Variants in INPP5D observed in about 807,000 individuals in gnomAD.
The protein encoded by INPP5D is phosphatidylinositol 3,4,5-trisphosphate 5-phosphatase 1.
A neutral mutation model predicts 122.9 loss-of-function variants in INPP5D; 33 were observed. That is an observed-to-expected ratio of 0.27 (90% CI 0.20 to 0.36). INPP5D has a LOEUF of 0.36. Ranked by LOEUF, INPP5D falls within the 10% of genes least tolerant of loss-of-function variation. The probability of loss-of-function intolerance (pLI) is 1.00; values close to 1 mark genes in which losing one functional copy is unlikely to be tolerated. For missense variants in INPP5D, 1,053 were observed against 1,412.7 expected, an observed-to-expected ratio of 0.75 and a Z score of 4.08; for synonymous variants, 584 against 576.2, an observed-to-expected ratio of 1.01 and a Z score of -0.19.
At chr2:233,086,122 T>TTTCTTTCC (rs1178383842) in intron 2 of INPP5D, among the ~76,000 whole-genome samples, 7 of 69,016 alleles carry the variant, frequency 1.0e-4, no homozygotes, top group African/African-American at 4.4e-4. Flanking sequence ...AGATAGCCTC[T>TTTCTTTCC]TTCTTTCTTT....
chr2:233,130,061 C>T (rs1693276192), intron 4 of INPP5D, among the ~76,000 whole-genome samples: 1 of 152,130 alleles, frequency 6.6e-6, no homozygotes, highest in African/African-American at 2.4e-5. Flanking sequence ...ACCACCACAC[C>T]CGGCTAATTT....
intron 17 of INPP5D, among the ~76,000 whole-genome samples, chr2:233,175,217 CAAA>C (rs1220185296): frequency 4.4e-5 from 3 of 68,616 alleles, no homozygotes; most frequent in African/African-American, 1.9e-4. Context: ...GACTCCATCT[CAAA>C]AAAAAAAAAA....
chr2:233,140,935 TAG>T (rs1693619836), intron 6 of INPP5D: 1 of 152,238 alleles, frequency 6.6e-6, no homozygotes, highest in Non-Finnish European at 1.5e-5. Flanking sequence ...GGACAGGGAA[TAG>T]CCAGTATAGA....
intron 9 of INPP5D, among the ~76,000 whole-genome samples, chr2:233,154,870 C>T (rs1043496043): frequency 6.6e-6 from 1 of 152,186 alleles, no homozygotes. Context: ...TTCTGATGGG[C>T]TTTTGTTACA....
chr2:233,085,039 G>A (rs1412435469), intron 2 of INPP5D, among the ~76,000 whole-genome samples: 1 of 152,094 alleles, frequency 6.6e-6, no homozygotes, highest in Non-Finnish European at 1.5e-5. Context: ...AAAATTCTTG[G>A]AACCAACTGT....
rs1325060038 is a variant in INPP5D at position 233,146,010 on chromosome 2, G to A, written c.754-152G>A. The A allele has an allele frequency of 4.3e-6, 3 of 702,218 alleles. No homozygotes were observed. In the Admixed American group the frequency reaches 6.0e-5, roughly 14 times the overall value. 43.5% of individuals were successfully genotyped at this position (702,218 alleles called of 1,614,324 possible). On this transcript the variant is annotated intron_variant, in intron 6 of 26. Transcript: ENST00000445964. Reference sequence around the variant, plus strand: ...TTCTGAGAAGATTGTAGAGATCCCTGTGTCCTCATCTGCCAGAAGGGGATA... The same window carrying A: ...TTCTGAGAAGATTGTAGAGATCCCTATGTCCTCATCTGCCAGAAGGGGATA...
In INPP5D at chr2:233,060,516, C is replaced by A. The variant is rs1691040589; in HGVS notation, c.38C>A (p.Ser13Tyr). Reference protein sequence around the residue: ...PCWNHGNITRSKAEELLSRTG... With the variant: ...PCWNHGNITRYKAEELLSRTG... Reference sequence around the variant, plus strand: ...TGGAACCATGGCAACATCACCCGCTCCAAGGCGGAGGAGCTGCTTTCCAGG... The same window carrying A: ...TGGAACCATGGCAACATCACCCGCTACAAGGCGGAGGAGCTGCTTTCCAGG... The change falls in exon 1 of 27, where the codon TCC (serine) becomes TAC (tyrosine). Residue 13 changes from serine (S) to tyrosine (Y), a missense_variant. Ser to Tyr is a moderately radical substitution (Grantham distance 144). Around this residue, in one of 6 missense-constraint regions of INPP5D, gnomAD observed 74 missense variants for 146.6 expected, o/e 0.50. Transcript: ENST00000445964. 2 of 1,613,408 alleles carry A rather than the reference C, an allele frequency of 1.2e-6. No homozygotes were observed. The highest frequency in any genetic ancestry group is 8.5e-7 in the Non-Finnish European group (1 of 1,179,612).
intron 22 of INPP5D, among the ~76,000 whole-genome samples, chr2:233,193,318 A>T (rs1433268507): frequency 6.6e-6 from 1 of 152,212 alleles, no homozygotes; most frequent in Admixed American, 6.5e-5. Flanking sequence ...ATTAAAATTA[A>T]CCAGCTGCAA....
intron 6 of INPP5D, among the ~76,000 whole-genome samples, chr2:233,145,745 G>A (rs1298624488): frequency 1.3e-5 from 2 of 151,996 alleles, no homozygotes; most frequent in Non-Finnish European, 2.9e-5. Context: ...GGAAGGGGTC[G>A]GGATCATTTT....
Position 233,188,265 on chromosome 2 carries a change from G to A in INPP5D, c.2359-1585G>A, listed in dbSNP as rs987069159. On this transcript the variant is annotated intron_variant, in intron 21 of 26. Coordinates refer to ENST00000445964, the MANE Select transcript of INPP5D (RefSeq NM_001017915.3). This position sits in a 1 kb window ranked among gnomAD's most constrained non-coding sequence, Gnocchi z 4.7. ...CCCCGCCCCACCCCTGTTGCCTGGC[G>A]GCCTCCTCTGTTCACCCTGTAAATC... is the stretch of plus-strand genomic sequence containing the variant. 1.3e-5 allele frequency among the ~76,000 whole-genome samples: 2 copies of A among 151,950 alleles called. No homozygotes were observed. The highest frequency in any genetic ancestry group is 4.2e-4 in the South Asian group (2 of 4,794).
chr2:233,185,714 TAAA>T (rs34533084), intron 20 of INPP5D, 126 bp from the exon 21 acceptor site: 32,937 of 613,708 alleles, frequency 0.054, 1 homozygote, highest in East Asian at 0.075. Context: ...GGCCCCGAGA[TAAA>T]AAAAAAAAAA....
chr2:233,063,536 A>C (rs1691131116), intron 1 of INPP5D, among the ~76,000 whole-genome samples: 1 of 152,262 alleles, frequency 6.6e-6, no homozygotes, highest in Non-Finnish European at 1.5e-5. Context: ...ATCAAAAGAC[A>C]GGGCTACAGT....
chr2:233,163,601 G>A (rs754423970), intron 11 of INPP5D, 106 bp from the exon 12 acceptor site: 50 of 1,574,518 alleles, frequency 3.2e-5, no homozygotes, highest in Middle Eastern at 1.7e-4. Flanking sequence ...ATGGTCTTGT[G>A]TAATGACGTG....
rs1266417596 is a variant in INPP5D at position 233,146,218 on chromosome 2, C to G, written c.810C>G (p.Ser270Arg). The G allele has an allele frequency of 7.1e-6, 5 of 704,138 alleles. No homozygotes were observed. The highest frequency in any genetic ancestry group is 2.0e-5 in the Admixed American group (1 of 49,990). 43.6% of individuals were successfully genotyped at this position (704,138 alleles called of 1,614,324 possible). Reference sequence around the variant, plus strand: ...TGTCCAAGCTCAGCCAACTGACAAGCCTGTTGTCGTCCATTGAAGACAAGG... The same window carrying G: ...TGTCCAAGCTCAGCCAACTGACAAGGCTGTTGTCGTCCATTGAAGACAAGG... ...NMVSKLSQLT[S>R]LLSSIEDKVK... Residue 270 changes from serine (S) to arginine (R), a missense_variant, in exon 7 of 27, where the codon AGC (serine) becomes AGG (arginine). Physicochemically the swap from Ser to Arg is moderately radical, Grantham distance 110. Coordinates refer to ENST00000445964, the MANE Select transcript of INPP5D (RefSeq NM_001017915.3).
intron 9 of INPP5D, among the ~76,000 whole-genome samples, chr2:233,152,672 C>G (rs148922430): frequency 0.11 from 16,260 of 152,126 alleles, 1,140 homozygotes; most frequent in Middle Eastern, 0.2. Context: ...CTGGCTGTGC[C>G]CAACCCAGGG....
chr2:233,061,790 C>T (rs917369178), intron 1 of INPP5D, among the ~76,000 whole-genome samples: 5 of 152,242 alleles, frequency 3.3e-5, no homozygotes, highest in Admixed American at 3.3e-4. Flanking sequence ...CCCCCAGAGG[C>T]TGCAGCTGAG....
At chr2:233,106,633 G>T (rs1692476450) in intron 2 of INPP5D, among the ~76,000 whole-genome samples, 1 of 152,232 alleles carries the variant, frequency 6.6e-6, no homozygotes, top group South Asian at 2.1e-4. Context: ...GGCTTCTCCA[G>T]TGCACCTAAG....
intron 1 of INPP5D, among the ~76,000 whole-genome samples, chr2:233,074,675 C>A (rs1691469765): frequency 6.6e-6 from 1 of 151,606 alleles, no homozygotes; most frequent in Non-Finnish European, 1.5e-5. Flanking sequence ...CCCATCTTGT[C>A]CAGAAATCTG....
At position 233,164,179 on chromosome 2, in the gene INPP5D, C is replaced by T. The variant is rs779339759; in HGVS notation, c.1438-128C>T. 179 of 1,437,492 alleles carry T rather than the reference C, an allele frequency of 1.2e-4. 1 individual carries two copies. The highest frequency in any genetic ancestry group is 9.8e-4 in the Admixed American group (36 of 36,668). 89.0% of individuals were successfully genotyped at this position (1,437,492 alleles called of 1,614,324 possible). A position where few individuals can be genotyped will look rare whatever the true frequency, so the allele number is the denominator to read the frequency against. On this transcript the variant is annotated intron_variant, in intron 12 of 26. Coordinates refer to ENST00000445964, the MANE Select transcript of INPP5D (RefSeq NM_001017915.3). This position sits in a 1 kb window ranked among gnomAD's most constrained non-coding sequence, Gnocchi z 4.3. ...CTATCAAGCATCGCTGGGAGTCCCC[C>T]GAAGGGTTGGGATTACAGACAGGAT...
Sources: gnomAD v4.1 joint callset for allele counts (sites outside exome capture counted in the v4.1 genomes callset) on GRCh38, gnomAD v4.1.1 for gene constraint, gnomAD v4.1.1 regional missense constraint, Gnocchi (gnomAD v3.1) non-coding constraint, MANE v1.5 for transcripts, NCBI Gene and HGNC (gene_info 2026-07-23, HGNC 2026-07-21) for gene names.